Variants in FSTL5 observed in about 807,000 individuals in gnomAD.
The protein encoded by FSTL5 is follistatin like 5, also known as follistatin-related protein 5.
A neutral mutation model predicts 89.1 loss-of-function variants in FSTL5; 62 were observed. The observed-to-expected ratio is 0.70, with a 90% confidence interval of 0.57 to 0.86. The LOEUF is 0.86. Among genes scored for constraint, FSTL5 ranks in the 40% least tolerant of loss-of-function variants. The probability of loss-of-function intolerance (pLI) is 0.00; values close to 1 mark genes in which losing one functional copy is unlikely to be tolerated. For synonymous variants in FSTL5, 383 were observed against 346.2 expected (o/e 1.11, Z -1.18); for missense variants, 1,057 against 1,001.6 (o/e 1.06, Z -0.75).
At chr4:161,843,912 A>C (rs1232534285) in intron 4 of FSTL5, among the ~76,000 whole-genome samples, 8 of 152,208 alleles carry the variant, frequency 5.3e-5, no homozygotes, top group Non-Finnish European at 1.2e-4. Flanking sequence ...AAAACACCAA[A>C]AGCAATTACA....
intron 2 of FSTL5, among the ~76,000 whole-genome samples, chr4:162,049,610 G>C (rs2111253991): frequency 6.6e-6 from 1 of 152,110 alleles, no homozygotes; most frequent in Middle Eastern, 3.4e-3. Context: ...CCTTTCTCTT[G>C]AATTAAGTTA....
chr4:162,099,487 G>T (rs934070212), intron 2 of FSTL5, among the ~76,000 whole-genome samples: 1 of 152,086 alleles, frequency 6.6e-6, no homozygotes, highest in East Asian at 1.9e-4. Context: ...TAATGTAGGA[G>T]CAAATCTAGA....
At chr4:161,401,584 G>C (rs930674363) in intron 15 of FSTL5, among the ~76,000 whole-genome samples, 1 of 152,088 alleles carries the variant, frequency 6.6e-6, no homozygotes, top group Non-Finnish European at 1.5e-5. Context: ...GAGTGCAGTG[G>C]CGCGATCTCA....
At chr4:162,137,735 C>T (rs1732572543) in intron 1 of FSTL5, among the ~76,000 whole-genome samples, 1 of 152,158 alleles carries the variant, frequency 6.6e-6, no homozygotes, top group African/African-American at 2.4e-5. Context: ...CCAACATGTT[C>T]ACAACTTACA....
chr4:161,941,021 G>C (rs929095976), intron 3 of FSTL5, among the ~76,000 whole-genome samples: 2 of 151,808 alleles, frequency 1.3e-5, no homozygotes, highest in Non-Finnish European at 3.0e-5. Flanking sequence ...CAACATAAAG[G>C]GAGAGGAATG....
intron 4 of FSTL5, among the ~76,000 whole-genome samples, chr4:161,909,067 C>T (rs1341072697): frequency 6.6e-6 from 1 of 152,154 alleles, no homozygotes; most frequent in Non-Finnish European, 1.5e-5. Flanking sequence ...CCAGCCTAAG[C>T]ACAGTCCATT....
At chr4:162,126,450 G>A (rs1267085077) in intron 1 of FSTL5, among the ~76,000 whole-genome samples, 2 of 152,052 alleles carry the variant, frequency 1.3e-5, no homozygotes, top group Non-Finnish European at 2.9e-5. Context: ...TGTAGGCAAT[G>A]TGTCTTTTAT....
intron 4 of FSTL5, among the ~76,000 whole-genome samples, chr4:161,838,724 G>C (rs1731124985): frequency 6.6e-6 from 1 of 151,940 alleles, no homozygotes; most frequent in South Asian, 2.1e-4. Flanking sequence ...TATATATAGG[G>C]AGAGAGAGAG....
chr4:161,547,813 G>A (rs890146545), intron 8 of FSTL5, among the ~76,000 whole-genome samples: 2 of 151,836 alleles, frequency 1.3e-5, no homozygotes, highest in Non-Finnish European at 2.9e-5. Flanking sequence ...AAATACAAAA[G>A]ATTCTTTAGA....
chr4:161,974,924 C>A (rs1000145435), intron 3 of FSTL5, among the ~76,000 whole-genome samples: 1 of 150,778 alleles, frequency 6.6e-6, no homozygotes, highest in African/African-American at 2.4e-5. Context: ...CAAACAACCC[C>A]TTCAAAAAGT....
chr4:161,386,890 A>G (rs949679678), intron 15 of FSTL5: 9 of 158,930 alleles, frequency 5.7e-5, no homozygotes, highest in African/African-American at 9.6e-5. Context: ...TTTTTTGACC[A>G]TTAAATAAAT....
At chr4:161,624,458 A>G (rs1450798562) in intron 7 of FSTL5, among the ~76,000 whole-genome samples, 1 of 151,942 alleles carries the variant, frequency 6.6e-6, no homozygotes, top group African/African-American at 2.4e-5. Flanking sequence ...ATCTAAACTT[A>G]CAATTTGACA....
At chr4:161,559,725 T>A (rs548283642) in intron 8 of FSTL5, among the ~76,000 whole-genome samples, 2 of 151,986 alleles carry the variant, frequency 1.3e-5, no homozygotes, top group Admixed American at 1.3e-4. Context: ...ATATATCATA[T>A]GCATGTAAAA....
At position 161,981,799 on chromosome 4, in the gene FSTL5, G is replaced by A. The variant is rs984584066; in HGVS notation, c.160+51826C>T. On this transcript the variant is annotated intron_variant, in intron 3 of 15. Transcript: ENST00000306100. ...CTTCCATTTTAGTATTTATTCCAGC[G>A]TATGTATTGTAAATACTGACATTAA... is the stretch of plus-strand genomic sequence containing the variant. Among the ~76,000 whole-genome samples, 23 of 152,008 alleles carry A rather than the reference G, an allele frequency of 1.5e-4. 1 individual carries two copies. The highest frequency in any genetic ancestry group is 4.6e-4 in the Admixed American group (7 of 15,256).
rs577406947 is a variant in FSTL5 at position 161,478,117 on chromosome 4, G to T, written c.1608+2903C>A. Reference sequence around the variant, plus strand: ...ATATACCAAAAGAATTGCATATTTTGCACACAGAAATAAAGTGTACAAAAT... The same window carrying T: ...ATATACCAAAAGAATTGCATATTTTTCACACAGAAATAAAGTGTACAAAAT... On this transcript the variant is annotated intron_variant, in intron 13 of 15. Coordinates refer to ENST00000306100, the MANE Select transcript of FSTL5 (RefSeq NM_020116.5). 5.9e-5 allele frequency among the ~76,000 whole-genome samples: 9 copies of T among 152,030 alleles called. No homozygotes were observed. In the East Asian group the frequency reaches 1.7e-3, roughly 29 times the overall value.
chr4:161,531,261 C>T (rs1170042246), intron 10 of FSTL5, among the ~76,000 whole-genome samples: 1 of 152,150 alleles, frequency 6.6e-6, no homozygotes, highest in African/African-American at 2.4e-5. Context: ...ACACAAACTC[C>T]TTAGCCATAT....
At position 161,738,472 on chromosome 4, in the gene FSTL5, G is replaced by C. The variant is rs146914073; in HGVS notation, c.727+20939C>G. On this transcript the variant is annotated intron_variant, in intron 6 of 15. Transcript: ENST00000306100. ...GAAAGGGTGTTCAATCACTCTTCCA[G>C]ATAAAACATTCAAAAAAGCAATTGA... is the stretch of plus-strand genomic sequence containing the variant. 4.6e-5 allele frequency among the ~76,000 whole-genome samples: 7 copies of C among 151,970 alleles called. No individual in the cohort carries two copies. In the East Asian group the frequency reaches 1.2e-3, roughly 25 times the overall value.
intron 3 of FSTL5, among the ~76,000 whole-genome samples, chr4:162,010,026 C>A (rs1736716035): frequency 2.0e-5 from 3 of 149,582 alleles, no homozygotes. Flanking sequence ...TTTCCTTATC[C>A]CCTTGTACAC....
intron 3 of FSTL5, among the ~76,000 whole-genome samples, chr4:161,979,189 T>C (rs1223931222): frequency 6.6e-6 from 1 of 152,194 alleles, no homozygotes; most frequent in Non-Finnish European, 1.5e-5. Flanking sequence ...TATTGGCTTA[T>C]TCTTTTGGAC....
Sources: allele counts gnomAD v4.1 joint callset (sites outside exome capture counted in the v4.1 genomes callset), GRCh38; gene constraint gnomAD v4.1.1; transcripts MANE v1.5; gene names NCBI Gene and HGNC (gene_info 2026-07-23, HGNC 2026-07-21).